The following ZBBX variants were observed in gnomAD, a reference collection of about 807,000 sequenced individuals.
ZBBX encodes zinc finger B-box domain-containing protein 1.
In ZBBX, 101 loss-of-function variants were observed where a neutral mutation model predicts 108.5. That is an observed-to-expected ratio of 0.93 (90% CI 0.79 to 1.10). The LOEUF (loss-of-function observed/expected upper bound fraction) is 1.10, where lower values mean the gene tolerates loss of function less well. Among genes scored for constraint, ZBBX ranks in the 50% least tolerant of loss-of-function variants. The pLI, the probability that ZBBX is intolerant of heterozygous loss-of-function variation, is 0.00. For missense variants in ZBBX, 1,009 were observed against 941.4 expected, an observed-to-expected ratio of 1.07 and a Z score of -0.94; for synonymous variants, 356 against 323.4, an observed-to-expected ratio of 1.10 and a Z score of -1.08.
chr3:167,398,369 A>G (rs1748314909), intron 1 of ZBBX, among the ~76,000 whole-genome samples: 1 of 152,108 alleles, frequency 6.6e-6, no homozygotes, highest in African/African-American at 2.4e-5. Flanking sequence ...AAAAGGCATA[A>G]GATTCTTTAA....
chr3:167,299,086 T>C lies in ZBBX; in HGVS notation c.1726-628A>G, dbSNP rs143014478. ...ATTAATTCATTTTTACATGTTCTTATTCTAGGATTGAATATAACTGGGATT... is the reference window on the plus strand; with the variant it reads ...ATTAATTCATTTTTACATGTTCTTACTCTAGGATTGAATATAACTGGGATT... On this transcript the variant is annotated intron_variant, in intron 17 of 21. Transcript: ENST00000675490. Among the ~76,000 whole-genome samples, 364 of 152,180 alleles carry C rather than the reference T, an allele frequency of 2.4e-3. 2 individuals carry two copies. The highest frequency in any genetic ancestry group is 7.4e-3 in the African/African-American group (306 of 41,566).
At chr3:167,211,789 C>A in the ZBBX span, among the ~76,000 whole-genome samples, 1 of 152,108 alleles carries the variant, frequency 6.6e-6, no homozygotes, top group South Asian at 2.1e-4. Context: ...GGACCTCCAG[C>A]CACCCTCACC....
At chr3:167,249,517 G>A (rs1208785223) in intron 20 of ZBBX, among the ~76,000 whole-genome samples, 1 of 152,100 alleles carries the variant, frequency 6.6e-6, no homozygotes, top group East Asian at 1.9e-4. Flanking sequence ...CTTTGCTCTA[G>A]ACAAACTCCA....
Position 167,282,518 on chromosome 3 carries a change from T to C in ZBBX, c.1997-23A>G, listed in dbSNP as rs760619763. On this transcript the variant is annotated intron_variant, in intron 19 of 21. Coordinates refer to ENST00000675490, the MANE Select transcript of ZBBX (RefSeq NM_001199201.2). Reference sequence around the variant, plus strand: ...GACCTAAAATTAAAAGTAAAAAGTTTTTAAATCAACTTTTAAAAATTTGAA... The same window carrying C: ...GACCTAAAATTAAAAGTAAAAAGTTCTTAAATCAACTTTTAAAAATTTGAA... 10 of 1,580,340 alleles carry C rather than the reference T, an allele frequency of 6.3e-6. 1 individual carries two copies. The African/African-American group carries it at 1.4e-4, about 22-fold the overall frequency.
intron 19 of ZBBX, 89 bp from the exon 20 acceptor site, chr3:167,282,584 G>A: frequency 8.9e-7 from 1 of 1,118,052 alleles, no homozygotes; most frequent in Non-Finnish European, 1.3e-6. Flanking sequence ...CCTGCACACA[G>A]AGAAGTTAAG....
chr3:167,287,833 C>T (rs1212601107), intron 19 of ZBBX, among the ~76,000 whole-genome samples: 1 of 152,010 alleles, frequency 6.6e-6, no homozygotes, highest in Non-Finnish European at 1.5e-5. Context: ...TGTTTTCTCC[C>T]TAAAAATTTT....
chr3:167,243,106 A>G (rs375682500), intron 20 of ZBBX, among the ~76,000 whole-genome samples: 36 of 152,338 alleles, frequency 2.4e-4, no homozygotes, highest in African/African-American at 8.2e-4. Flanking sequence ...TGAGTAGATA[A>G]TAACTGTTCA....
Position 167,359,866 on chromosome 3 carries a change from A to G in ZBBX, c.432+4T>C. 7.0e-7 allele frequency: 1 copy of G among 1,422,286 alleles called. No individual in the cohort carries two copies. The highest frequency in any genetic ancestry group is 9.7e-7 in the Non-Finnish European group (1 of 1,033,598). The allele number at this position is 1,422,286 out of a possible 1,614,324, so 88.1% of individuals were successfully genotyped here. A position where few individuals can be genotyped will look rare whatever the true frequency, so the allele number is the denominator to read the frequency against. The stretch of plus-strand genomic sequence containing the variant: ...TATGTATATATACTATATAACGTAC[A>G]TACCAGTAGAGCAGCTTTGTTCTCA... On this transcript the variant is annotated splice_donor_region_variant and intron_variant, in intron 8 of 21. Coordinates refer to ENST00000675490, the MANE Select transcript of ZBBX (RefSeq NM_001199201.2).
chr3:167,304,893 A>G (rs537190437), intron 17 of ZBBX, among the ~76,000 whole-genome samples: 5 of 140,180 alleles, frequency 3.6e-5, no homozygotes, highest in African/African-American at 1.2e-4. Context: ...GGGCACAGAA[A>G]GCCAATCCTC....
chr3:167,220,268 C>A, the ZBBX span, among the ~76,000 whole-genome samples: 3 of 151,852 alleles, frequency 2.0e-5, no homozygotes, highest in African/African-American at 7.2e-5. Context: ...CAAAATCAGA[C>A]GAAGACACAT....
intron 1 of ZBBX, among the ~76,000 whole-genome samples, chr3:167,406,277 C>T (rs2108646193): frequency 6.6e-6 from 1 of 152,244 alleles, no homozygotes; most frequent in Non-Finnish European, 1.5e-5. Flanking sequence ...GGACAAAAGC[C>T]TACTTATATT....
chr3:167,395,516 A>G (rs985278093), intron 1 of ZBBX, among the ~76,000 whole-genome samples: 1 of 151,984 alleles, frequency 6.6e-6, no homozygotes, highest in African/African-American at 2.4e-5. Flanking sequence ...TGCAGCAACA[A>G]TGGACAGATT....
At chr3:167,207,068 A>G in the ZBBX span, among the ~76,000 whole-genome samples, 1 of 152,216 alleles carries the variant, frequency 6.6e-6, no homozygotes, top group Non-Finnish European at 1.5e-5. Flanking sequence ...TGATATTTGC[A>G]TTGGCAATAC....
rs183579231 is a variant in ZBBX at position 167,259,526 on chromosome 3, G to C, written c.2255-16883C>G. ...CTTTCTTCTGCTGGGTTTGGGTTTG[G>C]TTTGTTCCTGTTTCCTTAGTTCCTT... On this transcript the variant is annotated intron_variant, in intron 20 of 21. Transcript: ENST00000675490. 4.1e-4 allele frequency among the ~76,000 whole-genome samples: 62 copies of C among 152,092 alleles called. 1 individual carries two copies. In the East Asian group the frequency reaches 0.01, roughly 26 times the overall value.
chr3:167,220,572 G>A, the ZBBX span, among the ~76,000 whole-genome samples: 1 of 152,042 alleles, frequency 6.6e-6, no homozygotes, highest in East Asian at 1.9e-4. Flanking sequence ...GTTAGGTATA[G>A]AGGGAGCATA....
At chr3:167,354,651 G>A (rs1290462420) in intron 8 of ZBBX, among the ~76,000 whole-genome samples, 6 of 151,518 alleles carry the variant, frequency 4.0e-5, no homozygotes, top group Non-Finnish European at 8.9e-5. Context: ...ATAAATACAT[G>A]GTTATATCAT....
chr3:167,360,793 ATAT>A, intron 6 of ZBBX, 70 bp from the exon 7 acceptor site: 1 of 951,724 alleles, frequency 1.1e-6, no homozygotes, highest in South Asian at 2.6e-5. Flanking sequence ...GCCAACAAAA[ATAT>A]TAGAAAGCTG....
chr3:167,320,720 T>C (rs1361033014), intron 12 of ZBBX, among the ~76,000 whole-genome samples: 1 of 152,038 alleles, frequency 6.6e-6, no homozygotes, highest in Non-Finnish European at 1.5e-5. Flanking sequence ...TAATAAGATA[T>C]ATTGACATCA....
chr3:167,339,677 G>A (rs921227901), intron 9 of ZBBX, among the ~76,000 whole-genome samples: 1 of 152,068 alleles, frequency 6.6e-6, no homozygotes, highest in African/African-American at 2.4e-5. Flanking sequence ...TTTATTTTAA[G>A]TTCCAGGATA....
Sources: allele counts gnomAD v4.1 joint callset (sites outside exome capture counted in the v4.1 genomes callset), GRCh38; gene constraint gnomAD v4.1.1; transcripts MANE v1.5; gene names NCBI Gene and HGNC (gene_info 2026-07-23, HGNC 2026-07-21).